Variants in PCDHA4 observed in about 807,000 individuals in gnomAD.
PCDHA4 encodes protocadherin alpha-4.
A neutral mutation model predicts 61.4 loss-of-function variants in PCDHA4; 49 were observed. That is an observed-to-expected ratio of 0.80 (90% CI 0.63 to 1.01). The LOEUF (loss-of-function observed/expected upper bound fraction) is 1.01, where lower values mean the gene tolerates loss of function less well. PCDHA4 is among the 50% of genes least tolerant of loss of function. The probability of loss-of-function intolerance (pLI) is 0.00; values close to 1 mark genes in which losing one functional copy is unlikely to be tolerated. For synonymous variants in PCDHA4, 590 were observed against 550.3 expected (o/e 1.07, Z -1.01); for missense variants, 1,254 against 1,235.8 (o/e 1.01, Z -0.22).
chr5:140,938,092 A>G (rs1255638035), intron 1 of PCDHA4, among the ~76,000 whole-genome samples: 4 of 152,034 alleles, frequency 2.6e-5, no homozygotes, highest in African/African-American at 9.7e-5. Context: ...TAGTTTTATT[A>G]TTGTATTTTT....
intron 1 of PCDHA4, among the ~76,000 whole-genome samples, chr5:140,941,259 T>TTCTTTCTTTC (rs1554214226): frequency 2.6e-4 from 32 of 121,828 alleles, no homozygotes; most frequent in African/African-American, 6.8e-4. Flanking sequence ...TTCTTTCTCT[T>TTCTTTCTTTC]TCTTTCTTTC....
At chr5:140,914,782 G>T (rs563426406) in intron 1 of PCDHA4, among the ~76,000 whole-genome samples, 3 of 151,862 alleles carry the variant, frequency 2.0e-5, no homozygotes, top group Non-Finnish European at 4.4e-5. Context: ...CTTATCTTAT[G>T]ACCCATTATT....
In PCDHA4 at chr5:141,010,024, T is replaced by A; in HGVS notation, c.*87T>A. 7.6e-6 allele frequency: 12 copies of A among 1,572,358 alleles called. No individual in the cohort carries two copies. Among genetic ancestry groups the A allele is most frequent in the Non-Finnish European group, 1.0e-5 (12 of 1,163,296 alleles). On this transcript the variant is annotated 3_prime_UTR_variant, in exon 4 of 4. Coordinates refer to ENST00000530339, the MANE Select transcript of PCDHA4 (RefSeq NM_018907.4). ...GTAGCAATTCCCTGCTCCTTTTTCC[T>A]ATCTACATGAGCCCTCTTAGAGACC...
At chr5:140,876,742 G>C (rs1554168860) in intron 1 of PCDHA4, 3 of 1,614,274 alleles carry the variant, frequency 1.9e-6, no homozygotes, top group Admixed American at 3.3e-5. Context: ...CTATGAGCTG[G>C]TGGTGACTGC....
chr5:140,814,440 AC>A (rs1317702042), intron 1 of PCDHA4: 1 of 148,476 alleles, frequency 6.7e-6, no homozygotes, highest in Non-Finnish European at 1.5e-5. Flanking sequence ...TTTTGTGGTG[AC>A]CTTTTTTCTT....
chr5:140,927,110 G>A, intron 1 of PCDHA4: 2 of 1,613,752 alleles, frequency 1.2e-6, no homozygotes, highest in Non-Finnish European at 1.7e-6. Flanking sequence ...CTACCCAGCG[G>A]CAATTTGGTG....
intron 1 of PCDHA4, among the ~76,000 whole-genome samples, chr5:140,915,139 G>C (rs2153533338): frequency 6.6e-6 from 1 of 151,944 alleles, no homozygotes; most frequent in Non-Finnish European, 1.5e-5. Flanking sequence ...AGTAGAGACG[G>C]GGTTTCACCA....
At chr5:140,875,667 G>A (rs376967983) in intron 1 of PCDHA4, 10 of 1,613,820 alleles carry the variant, frequency 6.2e-6, no homozygotes, top group East Asian at 4.5e-5. Flanking sequence ...GCCTGTTCCG[G>A]GTGGCGTCCA....
At chr5:140,837,515 A>AC (rs1373880523) in intron 1 of PCDHA4, among the ~76,000 whole-genome samples, 1 of 96,498 alleles carries the variant, frequency 1.0e-5, no homozygotes, top group African/African-American at 5.4e-5. Context: ...GAAGCAGTTT[A>AC]CTTTTTTTGT....
At chr5:140,995,281 A>G (rs1159938577) in intron 3 of PCDHA4, among the ~76,000 whole-genome samples, 1 of 152,144 alleles carries the variant, frequency 6.6e-6, no homozygotes. Context: ...TGATACCAAA[A>G]CAGCCAGTCG....
chr5:140,830,101 G>A (rs2150181157), intron 1 of PCDHA4: 1 of 1,613,650 alleles, frequency 6.2e-7, no homozygotes, highest in Admixed American at 1.7e-5. Flanking sequence ...TGTCGCTGGT[G>A]GAGAGTGGCC....
At chr5:140,933,848 C>T (rs1176922942) in intron 1 of PCDHA4, among the ~76,000 whole-genome samples, 6 of 151,862 alleles carry the variant, frequency 4.0e-5, no homozygotes, top group African/African-American at 1.5e-4. Context: ...ATTCCTGTAC[C>T]TTTAATTTTT....
chr5:140,861,636 CA>C, intron 1 of PCDHA4: 1 of 303,242 alleles, frequency 3.3e-6, no homozygotes. Flanking sequence ...CTCAGCAACA[CA>C]AAAGAATCTG....
chr5:140,850,009 C>T (rs2150463255), intron 1 of PCDHA4: 11 of 1,596,964 alleles, frequency 6.9e-6, no homozygotes, highest in Non-Finnish European at 9.4e-6. Flanking sequence ...CGCTCGCTGT[C>T]GAGCTACGTG....
intron 1 of PCDHA4, chr5:140,829,893 C>T: frequency 6.2e-7 from 1 of 1,613,966 alleles, no homozygotes; most frequent in South Asian, 1.1e-5. Context: ...GACGCCGACT[C>T]AGGCTACAAC....
At chr5:140,926,785 G>A in intron 1 of PCDHA4, 1 of 1,417,966 alleles carries the variant, frequency 7.1e-7, no homozygotes. Context: ...GTGACGGCCG[G>A]CAGGAGCGTG....
At position 140,858,582 on chromosome 5, in the gene PCDHA4, A is replaced by G; in HGVS notation, c.2385+49010A>G. ...ATTTCTAGTGATACCTTTGTAATAT[A>G]ATTTATTCCAGGAGTTTTAAAATTT... On this transcript the variant is annotated intron_variant, in intron 1 of 3. Transcript: ENST00000530339. The G allele has an allele frequency of 1.5e-6, 2 of 1,346,266 alleles. 1 individual carries two copies. Among genetic ancestry groups the G allele is most frequent in the Non-Finnish European group, 2.0e-6 (2 of 983,500 alleles). The allele number at this position is 1,346,266 out of a possible 1,614,324, so 83.4% of individuals were successfully genotyped here. A position where few individuals can be genotyped will look rare whatever the true frequency, so the allele number is the denominator to read the frequency against.
At chr5:140,900,280 T>G (rs549563825) in intron 1 of PCDHA4, among the ~76,000 whole-genome samples, 1 of 152,182 alleles carries the variant, frequency 6.6e-6, no homozygotes, top group Admixed American at 6.5e-5. Flanking sequence ...TGTACCACAC[T>G]TTCTTTTCTG....
chr5:141,011,894 TATC>T lies in PCDHA4; in HGVS notation c.*1958_*1960del, dbSNP rs1554263691. 6.5e-6 allele frequency: 1 copy of T among 153,306 alleles called. No individual in the cohort carries two copies. The highest frequency in any genetic ancestry group is 2.4e-5 in the African/African-American group (1 of 41,080). 9.5% of individuals were successfully genotyped at this position (153,306 alleles called of 1,614,324 possible). On this transcript the variant is annotated 3_prime_UTR_variant, in exon 4 of 4. Transcript: ENST00000530339. Reference sequence around the variant, plus strand: ...AATTTAGAAGTTTGATTAATTATATTATCTATTTAGGCATTAATATAAAAGAGG... The same window carrying T: ...AATTTAGAAGTTTGATTAATTATATTTATTTAGGCATTAATATAAAAGAGG...
Sources: allele counts gnomAD v4.1 joint callset (sites outside exome capture counted in the v4.1 genomes callset), GRCh38; gene constraint gnomAD v4.1.1; transcripts MANE v1.5; gene names NCBI Gene and HGNC (gene_info 2026-07-23, HGNC 2026-07-21).